Variants in TMLHE observed in about 807,000 individuals in gnomAD.
The protein encoded by TMLHE is trimethyllysine hydroxylase, epsilon.
In TMLHE, 18 loss-of-function variants were observed where a neutral mutation model predicts 25.7. The ratio of observed to expected loss-of-function variants is 0.70; its 90% CI spans 0.48 to 1.04. The LOEUF (loss-of-function observed/expected upper bound fraction) is 1.04, where lower values mean the gene tolerates loss of function less well. Among genes scored for constraint, TMLHE ranks in the 50% least tolerant of loss-of-function variants. The pLI, the probability that TMLHE is intolerant of heterozygous loss-of-function variation, is 0.00. For missense variants in TMLHE, 236 were observed against 259.0 expected, an observed-to-expected ratio of 0.91 and a Z score of 0.61; for synonymous variants, 105 against 97.0, an observed-to-expected ratio of 1.08 and a Z score of -0.49.
At chrX:155,589,695 A>C (rs2067684529) in intron 1 of TMLHE, among the ~76,000 whole-genome samples, 1 of 111,551 alleles carries the variant, frequency 9.0e-6, no homozygotes. Flanking sequence ...ACAGTTGAAT[A>C]GAATAAATAA....
chrX:155,561,061 T>C (rs2067493957), intron 1 of TMLHE, among the ~76,000 whole-genome samples: 1 of 61,145 alleles, frequency 1.6e-5, no homozygotes, highest in African/African-American at 3.6e-5. Flanking sequence ...AGGGTCAGAG[T>C]CTGTTTTTTT....
chrX:155,598,918 TACA>T (rs1557346885), intron 1 of TMLHE, among the ~76,000 whole-genome samples: 2 of 110,817 alleles, frequency 1.8e-5, no homozygotes, highest in African/African-American at 3.3e-5. Context: ...CTTCTGTAGT[TACA>T]ACGAGTGTTC....
chrX:155,532,863 A>G (rs1189127140), intron 2 of TMLHE, among the ~76,000 whole-genome samples: 1 of 111,345 alleles, frequency 9.0e-6, no homozygotes, highest in African/African-American at 3.3e-5. Flanking sequence ...GGTCAAATAT[A>G]GTATGTGACC....
chrX:155,595,661 A>G, intron 1 of TMLHE, among the ~76,000 whole-genome samples: 1 of 112,209 alleles, frequency 8.9e-6, no homozygotes, highest in Non-Finnish European at 1.9e-5. Flanking sequence ...AGGCACAAAA[A>G]CCTTGTACCT....
At chrX:155,606,448 C>T (rs1157221459) in intron 1 of TMLHE, among the ~76,000 whole-genome samples, 1 of 111,387 alleles carries the variant, frequency 9.0e-6, no homozygotes, top group African/African-American at 3.3e-5. Context: ...GAAATCTATA[C>T]CAAGAAGATT....
chrX:155,540,342 G>A (rs1396055679), intron 2 of TMLHE, among the ~76,000 whole-genome samples: 3 of 110,857 alleles, frequency 2.7e-5, no homozygotes, highest in Non-Finnish European at 5.7e-5. Context: ...ACTATCAGCT[G>A]GTTTCTCAGC....
At position 155,565,387 on chromosome X, in the gene TMLHE, T is replaced by A. The variant is rs1280941351; in HGVS notation, c.-1-20110A>T. Among the ~76,000 whole-genome samples the A allele has an allele frequency of 8.2e-5, 5 of 61,124 alleles. 2 individuals carry two copies. Among genetic ancestry groups the A allele is most frequent in the Non-Finnish European group, 2.3e-4 (5 of 21,844 alleles). The allele number at this position is 61,124 out of a possible 115,157, so 53.1% of individuals were successfully genotyped here. A position where few individuals can be genotyped will look rare whatever the true frequency, so the allele number is the denominator to read the frequency against. On this transcript the variant is annotated intron_variant, in intron 1 of 7. Coordinates refer to ENST00000334398, the MANE Select transcript of TMLHE (RefSeq NM_018196.4). ...AACAAAGGTGGTCTAGGGTCAAGAG[T>A]AGGTGAAACTACCCCTTGAGTTTCC...
chrX:155,587,692 C>G (rs977221863), intron 1 of TMLHE, among the ~76,000 whole-genome samples: 28 of 111,959 alleles, frequency 2.5e-4, no homozygotes, highest in Non-Finnish European at 4.5e-4. Context: ...ATACAAAAAT[C>G]AGTAGTGTTT....
intron 2 of TMLHE, among the ~76,000 whole-genome samples, chrX:155,534,703 T>C (rs146540232): frequency 4.6e-4 from 51 of 111,860 alleles, no homozygotes; most frequent in African/African-American, 1.7e-3. Flanking sequence ...GTTGAGACTT[T>C]GGAATTTTCA....
intron 1 of TMLHE, among the ~76,000 whole-genome samples, chrX:155,597,419 A>T (rs900865693): frequency 9.0e-6 from 1 of 111,516 alleles, no homozygotes; most frequent in Admixed American, 9.5e-5. Context: ...TAGTTCAACC[A>T]TTGTGGAAGT....
intron 1 of TMLHE, among the ~76,000 whole-genome samples, chrX:155,548,536 C>T (rs782656879): frequency 1.7e-4 from 18 of 107,001 alleles, no homozygotes; most frequent in East Asian, 2.9e-4. Context: ...CAGTATGAGG[C>T]CAGCCTGACT....
Position 155,548,525 on chromosome X carries a change from GCA to G in TMLHE, c.-1-3250_-1-3249del, listed in dbSNP as rs1569562086. 3.7e-5 allele frequency among the ~76,000 whole-genome samples: 4 copies of G among 108,058 alleles called. No homozygotes were observed. The Admixed American group carries it at 3.8e-4, about 10-fold the overall frequency. 93.8% of individuals were successfully genotyped at this position (108,058 alleles called of 115,157 possible). ...TCAAGGCGGGCGGATCACAAGGTCAGCAGTATGAGGCCAGCCTGACTAACATG... is the reference window on the plus strand; with the variant it reads ...TCAAGGCGGGCGGATCACAAGGTCAGGTATGAGGCCAGCCTGACTAACATG... On this transcript the variant is annotated intron_variant, in intron 1 of 7. Transcript: ENST00000334398.
chrX:155,539,990 A>G (rs1405183226), intron 2 of TMLHE, among the ~76,000 whole-genome samples: 3 of 109,130 alleles, frequency 2.7e-5, no homozygotes, highest in Non-Finnish European at 5.7e-5. Flanking sequence ...GAAATTATTG[A>G]GAAAGAGAAG....
At chrX:155,544,842 C>T (rs2067333740) in intron 2 of TMLHE, among the ~76,000 whole-genome samples, 1 of 111,159 alleles carries the variant, frequency 9.0e-6, no homozygotes, top group Non-Finnish European at 1.9e-5. Flanking sequence ...TTTCTCCCAA[C>T]TTGTAGGCTA....
intron 1 of TMLHE, among the ~76,000 whole-genome samples, chrX:155,555,011 C>A (rs1288072090): frequency 9.1e-6 from 1 of 109,686 alleles, no homozygotes; most frequent in East Asian, 2.8e-4. Context: ...AGGTATTTCT[C>A]CTAATGCTAT....
intron 1 of TMLHE, among the ~76,000 whole-genome samples, chrX:155,605,403 A>T: frequency 8.9e-6 from 1 of 112,069 alleles, no homozygotes; most frequent in Non-Finnish European, 1.9e-5. Flanking sequence ...TTTCAGCAGA[A>T]ATCTTGCAAG....
chrX:155,576,469 A>AAAC (rs1301631864), intron 1 of TMLHE, among the ~76,000 whole-genome samples: 6 of 112,174 alleles, frequency 5.3e-5, no homozygotes, highest in African/African-American at 1.9e-4. Flanking sequence ...TATTCCTATC[A>AAAC]AACTACCAAT....
At chrX:155,512,746 G>A (rs982202583) in intron 4 of TMLHE, among the ~76,000 whole-genome samples, 1 of 111,718 alleles carries the variant, frequency 9.0e-6, no homozygotes, top group South Asian at 3.7e-4. Context: ...AGTGATTAAT[G>A]TAGATCCTCA....
intron 1 of TMLHE, among the ~76,000 whole-genome samples, chrX:155,584,046 G>A (rs1049964351): frequency 1.8e-5 from 2 of 110,163 alleles, no homozygotes; most frequent in African/African-American, 6.6e-5. Context: ...ATAACAAATT[G>A]AAAATACAAA....
Sources: allele counts gnomAD v4.1 joint callset (sites outside exome capture counted in the v4.1 genomes callset), GRCh38; gene constraint gnomAD v4.1.1; transcripts MANE v1.5; gene names NCBI Gene and HGNC (gene_info 2026-07-23, HGNC 2026-07-21).